The following RAP1GAP2 variants were observed in gnomAD, a reference collection of about 807,000 sequenced individuals.
RAP1GAP2 encodes RAP1 GTPase activating protein 2.
RAP1GAP2 carries 27 observed loss-of-function variants against 95.0 expected under a neutral mutation model. The observed-to-expected ratio is 0.28, with a 90% CI of 0.21 to 0.39. The LOEUF is 0.39. Among genes scored for constraint, RAP1GAP2 ranks in the 10% least tolerant of loss-of-function variants. RAP1GAP2 has a pLI of 1.00. For synonymous variants in RAP1GAP2, 373 were observed against 380.9 expected (o/e 0.98, Z 0.24); for missense variants, 771 against 970.0 (o/e 0.79, Z 2.72).
intron 17 of RAP1GAP2, among the ~76,000 whole-genome samples, chr17:3,009,807 G>A (rs2046455287): frequency 6.6e-6 from 1 of 152,138 alleles, no homozygotes; most frequent in Non-Finnish European, 1.5e-5. Context: ...AGACGGAAGA[G>A]GGATGCAGAA....
chr17:2,769,416 G>A (rs1408896766), intron 1 of RAP1GAP2, among the ~76,000 whole-genome samples: 21 of 151,542 alleles, frequency 1.4e-4, no homozygotes, highest in Non-Finnish European at 2.4e-4. Context: ...TTAGCCGGGC[G>A]TGGCGGTGGG....
intron 3 of RAP1GAP2, among the ~76,000 whole-genome samples, chr17:2,954,838 T>C (rs9903860): frequency 0.87 from 132,830 of 152,070 alleles, 58,433 homozygotes; most frequent in Non-Finnish European, 0.93. Context: ...GTGATCCGCC[T>C]GCCTCAGCCT....
intron 3 of RAP1GAP2, among the ~76,000 whole-genome samples, chr17:2,955,736 A>G (rs1239344376): frequency 1.3e-5 from 2 of 151,960 alleles, no homozygotes; most frequent in Non-Finnish European, 2.9e-5. Flanking sequence ...TAGATTTTCT[A>G]TTTCTTACTG....
Position 2,963,472 on chromosome 17 carries a change from C to T in RAP1GAP2, c.279+10C>T, listed in dbSNP as rs145014566. 6.2e-7 allele frequency: 1 copy of T among 1,613,850 alleles called. No homozygotes were observed. Among genetic ancestry groups the T allele is most frequent in the Non-Finnish European group, 8.5e-7 (1 of 1,179,796 alleles). ...CCCCAGCATCGACGAGGTAGGTGCC[C>T]TCCCCTCACTCCCACCTGCCCTGCA... On this transcript the variant is annotated intron_variant, in intron 6 of 24. Coordinates refer to ENST00000254695, the MANE Select transcript of RAP1GAP2 (RefSeq NM_015085.5). The surrounding 1 kb of genome is among the most constrained non-coding windows in gnomAD (Gnocchi z 4.8).
At chr17:2,770,943 T>A (rs1474216858) in intron 2 of RAP1GAP2, among the ~76,000 whole-genome samples, 1 of 151,924 alleles carries the variant, frequency 6.6e-6, no homozygotes, top group Non-Finnish European at 1.5e-5. Context: ...CGGGATTGAG[T>A]AGCTGAGACA....
At chr17:2,894,053 A>C (rs1044241902) in intron 2 of RAP1GAP2, among the ~76,000 whole-genome samples, 1 of 152,194 alleles carries the variant, frequency 6.6e-6, no homozygotes, top group Admixed American at 6.5e-5. Flanking sequence ...AGGTGGGCAG[A>C]TCACCTGAGG....
Position 2,800,694 on chromosome 17 carries a change from C to T in RAP1GAP2, c.80+144C>T, listed in dbSNP as rs186969014. On this transcript the variant is annotated intron_variant, in intron 2 of 24. Coordinates refer to ENST00000254695, the MANE Select transcript of RAP1GAP2 (RefSeq NM_015085.5). ...GTCCGAGTCCATGGTGCTTCCAGATCGGAGGAGGCTGGACTAACTCTTATT... is the reference window on the plus strand; with the variant it reads ...GTCCGAGTCCATGGTGCTTCCAGATTGGAGGAGGCTGGACTAACTCTTATT... 76 of 896,912 alleles carry T rather than the reference C, an allele frequency of 8.5e-5. No individual in the cohort carries two copies. The East Asian group carries it at 1.3e-3, about 15-fold the overall frequency. The allele number at this position is 896,912 out of a possible 1,614,324, so 55.6% of individuals were successfully genotyped here.
chr17:2,838,659 G>T lies in RAP1GAP2; in HGVS notation c.80+38109G>T, dbSNP rs114672885. On this transcript the variant is annotated intron_variant, in intron 2 of 24. Coordinates refer to ENST00000254695, the MANE Select transcript of RAP1GAP2 (RefSeq NM_015085.5). The stretch of plus-strand genomic sequence containing the variant: ...TGAGGAAGGGAGGCGGGTGGAATTG[G>T]ATGAATTGGCGCAGTGATTCCGAAA... Among the ~76,000 whole-genome samples the T allele has an allele frequency of 1.6e-3, 245 of 152,292 alleles. 1 individual carries two copies. The highest frequency in any genetic ancestry group is 5.5e-3 in the African/African-American group (228 of 41,570).
intron 3 of RAP1GAP2, among the ~76,000 whole-genome samples, chr17:2,936,075 C>G (rs1159847959): frequency 6.6e-6 from 1 of 151,688 alleles, no homozygotes; most frequent in South Asian, 2.1e-4. Flanking sequence ...CTGTCTCCAC[C>G]TCCAGTGGCC....
intron 11 of RAP1GAP2, among the ~76,000 whole-genome samples, chr17:2,986,138 G>T (rs1422402839): frequency 1.3e-5 from 2 of 151,988 alleles, no homozygotes; most frequent in African/African-American, 2.4e-5. Flanking sequence ...GTATTTTTTT[G>T]CATGATGGTA....
chr17:2,915,729 C>T (rs1024024025), intron 3 of RAP1GAP2, among the ~76,000 whole-genome samples: 3 of 142,712 alleles, frequency 2.1e-5, no homozygotes, highest in Non-Finnish European at 3.0e-5. Context: ...GACAGAGTCT[C>T]GCTCTGTCAC....
At chr17:2,776,894 G>A (rs1324732794), upstream of RAP1GAP2, among the ~76,000 whole-genome samples, 1 of 152,240 alleles carries the variant, frequency 6.6e-6, no homozygotes, top group Admixed American at 6.5e-5. Context: ...CGCGGGGACT[G>A]AGGTGCCCTT....
At position 3,000,487 on chromosome 17, in the gene RAP1GAP2, C is replaced by T. The variant is rs542063128; in HGVS notation, c.1200+2111C>T. Among the ~76,000 whole-genome samples, 196 of 42,802 alleles carry T rather than the reference C, an allele frequency of 4.6e-3. 1 individual carries two copies. Among genetic ancestry groups the T allele is most frequent in the Non-Finnish European group, 5.6e-3 (121 of 21,696 alleles). The allele number at this position is 42,802 out of a possible 152,430, so 28.1% of individuals were successfully genotyped here. On this transcript the variant is annotated intron_variant, in intron 14 of 24. Coordinates refer to ENST00000254695, the MANE Select transcript of RAP1GAP2 (RefSeq NM_015085.5). ...GTCCAAGCACCAGGCTGAAGTGGGG[C>T]TCGTGGAGGTAACAGAATCAGCCTC...
intron 11 of RAP1GAP2, among the ~76,000 whole-genome samples, chr17:2,986,944 G>T (rs2151552841): frequency 6.6e-6 from 1 of 152,308 alleles, no homozygotes; most frequent in East Asian, 1.9e-4. Flanking sequence ...CTAGAGTTGT[G>T]ACGCCTTCAT....
intron 1 of RAP1GAP2, among the ~76,000 whole-genome samples, chr17:2,765,650 G>A (rs770391233): frequency 6.6e-6 from 1 of 151,826 alleles, no homozygotes; most frequent in Admixed American, 6.6e-5. Flanking sequence ...GGCTGAGGCA[G>A]GAGGATGGTG....
intron 2 of RAP1GAP2, among the ~76,000 whole-genome samples, chr17:2,853,680 C>G (rs1415088165): frequency 6.9e-6 from 1 of 145,646 alleles, no homozygotes; most frequent in Non-Finnish European, 1.5e-5. Flanking sequence ...GGGCGGGTCC[C>G]GGCGCGGGCG....
chr17:2,926,712 A>G (rs1260916794), intron 3 of RAP1GAP2, among the ~76,000 whole-genome samples: 3 of 152,098 alleles, frequency 2.0e-5, no homozygotes, highest in African/African-American at 7.2e-5. Flanking sequence ...TCAAATCAAG[A>G]TATTGCCAGG....
At chr17:2,962,859 G>A in intron 5 of RAP1GAP2, 145 bp downstream of exon 5, 1 of 757,170 alleles carries the variant, frequency 1.3e-6, no homozygotes, top group Non-Finnish European at 2.1e-6. Flanking sequence ...CTTCACGACT[G>A]CCTTGTTAGA....
rs138212973 is a variant in RAP1GAP2, at chr17:3,024,327, C to T, written c.1752-1681C>T. Among the ~76,000 whole-genome samples the T allele has an allele frequency of 4.4e-3, 677 of 152,224 alleles. 1 individual carries two copies. The highest frequency in any genetic ancestry group is 0.01 in the Middle Eastern group (3 of 294). On this transcript the variant is annotated intron_variant, in intron 19 of 24. Coordinates refer to ENST00000254695, the MANE Select transcript of RAP1GAP2 (RefSeq NM_015085.5). ...AGATTGACAGGAGGTTATTAGCAAC[C>T]TCATCAAATGTGCATTGAGACACTT...
Sources: allele counts gnomAD v4.1 joint callset (sites outside exome capture counted in the v4.1 genomes callset), GRCh38; gene constraint gnomAD v4.1.1; non-coding constraint Gnocchi (gnomAD v3.1); transcripts MANE v1.5; gene names NCBI Gene and HGNC (gene_info 2026-07-23, HGNC 2026-07-21).